BRINP3: variants seen among roughly 807,000 people sequenced by gnomAD.
The protein encoded by BRINP3 is BMP/retinoic acid inducible neural specific 3.
Under a neutral mutation model 71.0 loss-of-function variants are expected in BRINP3, and 19 were observed. The ratio of observed to expected loss-of-function variants is 0.27; its 90% CI spans 0.19 to 0.39. The LOEUF (loss-of-function observed/expected upper bound fraction) is 0.39. Among genes scored for constraint, BRINP3 ranks in the 10% least tolerant of loss-of-function variants. BRINP3 has a pLI of 1.00. For synonymous variants in BRINP3, 380 were observed against 337.7 expected (o/e 1.13, Z -1.37); for missense variants, 959 against 940.8 (o/e 1.02, Z -0.25).
At chr1:190,440,081 A>G (rs896592491) in intron 2 of BRINP3, among the ~76,000 whole-genome samples, 2 of 152,008 alleles carry the variant, frequency 1.3e-5, no homozygotes, top group African/African-American at 4.8e-5. Context: ...CATTGATTGT[A>G]TAAAGTTCGA....
In BRINP3 at chr1:190,374,160, T is replaced by C. The variant is rs147601803; in HGVS notation, c.236+80495A>G. ...TGAGATGTGTATGTACACATACATA[T>C]GCACAAATTATACTAGGAACAATGG... is the stretch of plus-strand genomic sequence containing the variant. On this transcript the variant is annotated intron_variant, in intron 2 of 7. Transcript: ENST00000367462. Among the ~76,000 whole-genome samples the C allele has an allele frequency of 8.4e-3, 1,276 of 152,182 alleles. 21 individuals carry two copies. The highest frequency in any genetic ancestry group is 0.029 in the African/African-American group (1,206 of 41,550).
intron 7 of BRINP3, among the ~76,000 whole-genome samples, chr1:190,116,316 G>T (rs1164064420): frequency 1.3e-5 from 2 of 152,030 alleles, no homozygotes; most frequent in African/African-American, 4.8e-5. Flanking sequence ...AGAACTAACG[G>T]CTCTAACAAA....
intron 6 of BRINP3, among the ~76,000 whole-genome samples, chr1:190,199,916 A>T (rs563658812): frequency 2.0e-5 from 3 of 152,068 alleles, no homozygotes; most frequent in South Asian, 2.1e-4. Context: ...CACCTTGTCT[A>T]TGTGACAACT....
At chr1:190,290,551 C>A (rs890768785) in intron 2 of BRINP3, among the ~76,000 whole-genome samples, 1 of 152,030 alleles carries the variant, frequency 6.6e-6, no homozygotes, top group Non-Finnish European at 1.5e-5. Context: ...TAAGTTTATA[C>A]GTTTGGTAGG....
chr1:190,136,821 GGGATAATCAT>G (rs1655013333), intron 7 of BRINP3, among the ~76,000 whole-genome samples: 1 of 151,962 alleles, frequency 6.6e-6, no homozygotes, highest in Admixed American at 6.6e-5. Flanking sequence ...AAGTGCATAT[GGGATAATCAT>G]GGTTGCCAAT....
chr1:190,117,317 ATAAT>A (rs1224056551), intron 7 of BRINP3, among the ~76,000 whole-genome samples: 5 of 152,052 alleles, frequency 3.3e-5, no homozygotes, highest in Admixed American at 3.3e-4. Flanking sequence ...TACTCTATAA[ATAAT>A]TGTTGAAAAC....
chr1:190,453,475 C>T (rs929381293), intron 2 of BRINP3, among the ~76,000 whole-genome samples: 13 of 151,864 alleles, frequency 8.6e-5, no homozygotes, highest in Non-Finnish European at 1.8e-4. Flanking sequence ...TCTCTGCCTC[C>T]CAAAGTGCTA....
intron 1 of BRINP3, among the ~76,000 whole-genome samples, chr1:190,464,792 G>T (rs1676629797): frequency 6.6e-6 from 1 of 151,846 alleles, no homozygotes; most frequent in South Asian, 2.1e-4. Flanking sequence ...CCTCAGAAAT[G>T]CATTCTTCTA....
intron 5 of BRINP3, among the ~76,000 whole-genome samples, chr1:190,229,646 AC>A (rs1657759913): frequency 1.4e-4 from 2 of 13,920 alleles, no homozygotes; most frequent in Admixed American, 2.1e-3. Context: ...ACAAAACAAA[AC>A]ACACACACAC....
At position 190,477,538 on chromosome 1, in the gene BRINP3, T is replaced by C. The variant is rs2102736360; in HGVS notation, c.-141A>G. ...CATGATCTTCCAAATCAAGGTAAAG[T>C]AGTGAGCTGCAGGGTAGTAGGACTT... On this transcript the variant is annotated 5_prime_UTR_variant, in exon 1 of 8. Transcript: ENST00000367462. 1.3e-5 allele frequency: 2 copies of C among 152,258 alleles called. No individual in the cohort carries two copies. The highest frequency in any genetic ancestry group is 4.1e-4 in the South Asian group (2 of 4,824). The allele number at this position is 152,258 out of a possible 1,614,324, so 9.4% of individuals were successfully genotyped here.
intron 2 of BRINP3, among the ~76,000 whole-genome samples, chr1:190,440,895 T>C (rs1275845541): frequency 1.3e-5 from 2 of 151,982 alleles, no homozygotes; most frequent in Admixed American, 6.6e-5. Flanking sequence ...ACAATTCTAA[T>C]AAAAAACTGA....
chr1:190,201,230 G>A (rs1035265323), intron 6 of BRINP3, among the ~76,000 whole-genome samples: 1 of 152,120 alleles, frequency 6.6e-6, no homozygotes, highest in East Asian at 1.9e-4. Context: ...GGCAGGTTTT[G>A]TTATGTTTTA....
At chr1:190,433,464 A>G (rs1323362748) in intron 2 of BRINP3, among the ~76,000 whole-genome samples, 2 of 151,990 alleles carry the variant, frequency 1.3e-5, no homozygotes, top group Admixed American at 1.3e-4. Context: ...TGATTCTGCT[A>G]TTTTCTTTGC....
At chr1:190,293,311 C>T (rs1473858285) in intron 2 of BRINP3, among the ~76,000 whole-genome samples, 1 of 151,666 alleles carries the variant, frequency 6.6e-6, no homozygotes, top group Non-Finnish European at 1.5e-5. Flanking sequence ...GTTTTATTCC[C>T]ATGTATTTGT....
chr1:190,294,746 C>T (rs980260332), intron 2 of BRINP3, among the ~76,000 whole-genome samples: 2 of 151,924 alleles, frequency 1.3e-5, no homozygotes, highest in African/African-American at 4.8e-5. Context: ...TGTACCTGTC[C>T]TTCTTCAGAG....
chr1:190,127,771 T>A (rs1293456975), intron 7 of BRINP3, among the ~76,000 whole-genome samples: 1 of 151,860 alleles, frequency 6.6e-6, no homozygotes, highest in Non-Finnish European at 1.5e-5. Flanking sequence ...CCCATCAGCC[T>A]GGCTATCTGA....
chr1:190,216,126 C>T (rs2102668249), intron 6 of BRINP3, among the ~76,000 whole-genome samples: 1 of 151,312 alleles, frequency 6.6e-6, no homozygotes. Context: ...TAATTATTTG[C>T]ACAAGTCTTT....
intron 2 of BRINP3, among the ~76,000 whole-genome samples, chr1:190,323,638 A>G (rs373180068): frequency 2.0e-4 from 30 of 151,892 alleles, no homozygotes; most frequent in African/African-American, 6.8e-4. Flanking sequence ...TTTTGCATTA[A>G]GGCTGCTTAT....
At chr1:190,429,609 G>A (rs75998377) in intron 2 of BRINP3, among the ~76,000 whole-genome samples, 1 of 46,466 alleles carries the variant, frequency 2.2e-5, no homozygotes, top group African/African-American at 8.6e-5. Context: ...TTTTTTTTTT[G>A]TGAAGGAGTC....
Sources: allele counts gnomAD v4.1 joint callset (sites outside exome capture counted in the v4.1 genomes callset), GRCh38; gene constraint gnomAD v4.1.1; transcripts MANE v1.5; gene names NCBI Gene and HGNC (gene_info 2026-07-23, HGNC 2026-07-21).